CAP2: variants seen among roughly 807,000 people sequenced by gnomAD.
The protein encoded by CAP2 is adenylyl cyclase-associated protein 2.
CAP2 carries 24 observed loss-of-function variants against 57.7 expected under a neutral mutation model. That is an observed-to-expected ratio of 0.42 (90% CI 0.30 to 0.58). The LOEUF is 0.58. Ranked by LOEUF, CAP2 falls within the 20% of genes least tolerant of loss-of-function variation. The pLI, the probability that CAP2 is intolerant of heterozygous loss-of-function variation, is 0.22. For synonymous variants in CAP2, 194 were observed against 207.2 expected (o/e 0.94, Z 0.55); for missense variants, 501 against 590.3 (o/e 0.85, Z 1.57).
intron 7 of CAP2, among the ~76,000 whole-genome samples, chr6:17,523,505 G>A (rs745748709): frequency 3.9e-5 from 6 of 152,118 alleles, no homozygotes; most frequent in African/African-American, 7.2e-5. Context: ...AGAAAAGACC[G>A]GCAAATAAAT....
At chr6:17,437,882 A>G (rs976950224) in intron 3 of CAP2, among the ~76,000 whole-genome samples, 1 of 152,178 alleles carries the variant, frequency 6.6e-6, no homozygotes, top group Non-Finnish European at 1.5e-5. Flanking sequence ...CTCCGTCTCA[A>G]AGAAAAAAGG....
chr6:17,506,358 T>C (rs1253739342), intron 4 of CAP2, among the ~76,000 whole-genome samples: 1 of 152,084 alleles, frequency 6.6e-6, no homozygotes, highest in Non-Finnish European at 1.5e-5. Context: ...AGCCATCACA[T>C]TTTCTTAAAA....
At chr6:17,522,370 A>G (rs1186053777) in intron 7 of CAP2, among the ~76,000 whole-genome samples, 1 of 152,196 alleles carries the variant, frequency 6.6e-6, no homozygotes, top group Admixed American at 6.5e-5. Flanking sequence ...TACCAAGCAC[A>G]CACCAGGCAT....
chr6:17,474,685 T>A (rs1036916833), intron 4 of CAP2, among the ~76,000 whole-genome samples: 1 of 152,172 alleles, frequency 6.6e-6, no homozygotes, highest in Admixed American at 6.5e-5. Context: ...AACAAGTAAC[T>A]TCTGAAATAA....
intron 3 of CAP2, among the ~76,000 whole-genome samples, chr6:17,453,086 A>G (rs1196936702): frequency 6.6e-6 from 1 of 152,240 alleles, no homozygotes; most frequent in Non-Finnish European, 1.5e-5. Context: ...TACTCCGTTC[A>G]AATCCTCACC....
chr6:17,538,941 A>G (rs79575705), intron 7 of CAP2, among the ~76,000 whole-genome samples: 5,785 of 152,298 alleles, frequency 0.038, 389 homozygotes, highest in African/African-American at 0.13. Flanking sequence ...TAAATTGGCC[A>G]AGGCCCAGTG....
chr6:17,432,912 C>T (rs1034507365), intron 3 of CAP2, among the ~76,000 whole-genome samples: 2 of 148,882 alleles, frequency 1.3e-5, no homozygotes, highest in Non-Finnish European at 3.0e-5. Context: ...CTTTTATTTT[C>T]TTTTACTTCC....
intron 3 of CAP2, among the ~76,000 whole-genome samples, chr6:17,460,695 C>T (rs1760695399): frequency 6.6e-6 from 1 of 152,104 alleles, no homozygotes; most frequent in Non-Finnish European, 1.5e-5. Flanking sequence ...GGTGCAGAAA[C>T]TTTTCTTTGA....
chr6:17,538,366 G>T (rs2113696666), intron 7 of CAP2, among the ~76,000 whole-genome samples: 1 of 151,834 alleles, frequency 6.6e-6, no homozygotes, highest in East Asian at 1.9e-4. Context: ...TAAGCCAGGA[G>T]AATCGCTTGC....
At chr6:17,440,573 T>C (rs1230963175) in intron 3 of CAP2, among the ~76,000 whole-genome samples, 1 of 150,986 alleles carries the variant, frequency 6.6e-6, no homozygotes, top group Non-Finnish European at 1.5e-5. Flanking sequence ...GTCAGCCCAT[T>C]AAGTATGATG....
chr6:17,399,744 A>G (rs1190948419), intron 1 of CAP2, among the ~76,000 whole-genome samples: 3 of 152,316 alleles, frequency 2.0e-5, no homozygotes, highest in Admixed American at 6.5e-5. Context: ...GCTTTTCAGA[A>G]TGTAAAGGCC....
intron 7 of CAP2, among the ~76,000 whole-genome samples, chr6:17,517,665 C>T (rs1351126096): frequency 6.6e-6 from 1 of 152,162 alleles, no homozygotes; most frequent in African/African-American, 2.4e-5. Flanking sequence ...CTTTGGAAGG[C>T]TGAGGCAGGT....
chr6:17,399,533 G>A (rs1011306169), intron 1 of CAP2, among the ~76,000 whole-genome samples: 3 of 152,162 alleles, frequency 2.0e-5, no homozygotes, highest in African/African-American at 7.2e-5. Flanking sequence ...GACATTGTCT[G>A]AAACCAGAAG....
intron 4 of CAP2, among the ~76,000 whole-genome samples, chr6:17,475,434 G>A (rs1326996596): frequency 1.3e-5 from 2 of 152,172 alleles, no homozygotes; most frequent in African/African-American, 4.8e-5. Flanking sequence ...GAAGATTAGA[G>A]AAGAACAAGC....
At chr6:17,440,209 A>C (rs1760030467) in intron 3 of CAP2, among the ~76,000 whole-genome samples, 1 of 151,620 alleles carries the variant, frequency 6.6e-6, no homozygotes. Context: ...AGTAGGATTA[A>C]GTTTTTCTGC....
intron 4 of CAP2, among the ~76,000 whole-genome samples, chr6:17,491,531 A>C (rs1209942652): frequency 6.6e-6 from 1 of 152,208 alleles, no homozygotes; most frequent in Non-Finnish European, 1.5e-5. Context: ...ATATTGTCTT[A>C]TGTAATCGTC....
chr6:17,442,953 A>G (rs1277443237), intron 3 of CAP2, among the ~76,000 whole-genome samples: 2 of 152,090 alleles, frequency 1.3e-5, no homozygotes, highest in Non-Finnish European at 2.9e-5. Flanking sequence ...CCTGACCTCA[A>G]GTAATCCACC....
chr6:17,393,808 G>T (rs1005277409), intron 1 of CAP2, 62 bp downstream of exon 1: 1 of 153,050 alleles, frequency 6.5e-6, no homozygotes, highest in Non-Finnish European at 1.5e-5. Flanking sequence ...GGTGCGGGGG[G>T]CGCCTGGCGG....
intron 1 of CAP2, among the ~76,000 whole-genome samples, chr6:17,414,047 C>G (rs1302118766): frequency 1.4e-5 from 2 of 139,656 alleles, no homozygotes; most frequent in Non-Finnish European, 3.0e-5. Flanking sequence ...GAGTGAGACT[C>G]TGTCTCAAAA....
Sources: gnomAD v4.1 joint callset for allele counts (sites outside exome capture counted in the v4.1 genomes callset) on GRCh38, gnomAD v4.1.1 for gene constraint, MANE v1.5 for transcripts, NCBI Gene and HGNC (gene_info 2026-07-23, HGNC 2026-07-21) for gene names.